The following COA1 variants were observed in gnomAD, a reference collection of about 807,000 sequenced individuals.
The protein encoded by COA1 is cytochrome c oxidase assembly factor 1 homolog.
In COA1, 13 loss-of-function variants were observed where a neutral mutation model predicts 16.0. That is an observed-to-expected ratio of 0.81 (90% CI 0.53 to 1.29). COA1 has a LOEUF of 1.29. Among genes scored for constraint, COA1 ranks in the 50% most tolerant of loss-of-function variants. The pLI is 0.00. For synonymous variants in COA1, 65 were observed against 65.7 expected (o/e 0.99, Z 0.05); for missense variants, 179 against 177.0 (o/e 1.01, Z -0.06).
At chr7:43,626,962 G>A (rs1261864314) in intron 6 of COA1, among the ~76,000 whole-genome samples, 1 of 152,118 alleles carries the variant, frequency 6.6e-6, no homozygotes, top group Non-Finnish European at 1.5e-5. Flanking sequence ...TAAAAACAGG[G>A]CATGAAGAGC....
chr7:43,697,833 G>A (rs966304073), intron 1 of COA1, among the ~76,000 whole-genome samples: 3 of 152,044 alleles, frequency 2.0e-5, no homozygotes, highest in East Asian at 1.9e-4. Context: ...ACTGCCCTAC[G>A]CAAGGGCTGT....
At chr7:43,683,670 C>T (rs1182711493) in intron 1 of COA1, among the ~76,000 whole-genome samples, 1 of 151,980 alleles carries the variant, frequency 6.6e-6, no homozygotes, top group Non-Finnish European at 1.5e-5. Flanking sequence ...GAATTTCTCT[C>T]AGTAAGTAGT....
At chr7:43,619,570 T>C (rs751328227) in intron 6 of COA1, 64 of 1,607,972 alleles carry the variant, frequency 4.0e-5, no homozygotes, top group Non-Finnish European at 5.3e-5. Context: ...GTTATATTGA[T>C]TTTTGCGGGG....
chr7:43,614,138 A>C (rs1372262779), intron 6 of COA1, among the ~76,000 whole-genome samples: 1 of 152,178 alleles, frequency 6.6e-6, no homozygotes, highest in Non-Finnish European at 1.5e-5. Flanking sequence ...GTTAACCTCA[A>C]CTTTACAATG....
At chr7:43,711,171 A>G in intron 1 of COA1, among the ~76,000 whole-genome samples, 1 of 152,120 alleles carries the variant, frequency 6.6e-6, no homozygotes, top group East Asian at 1.9e-4. Context: ...AAATGAGGGT[A>G]TTAAAGGCTC....
At chr7:43,660,464 G>A (rs2092310777) in intron 1 of COA1, among the ~76,000 whole-genome samples, 1 of 152,136 alleles carries the variant, frequency 6.6e-6, no homozygotes, top group South Asian at 2.1e-4. Flanking sequence ...TTACTCACAT[G>A]CAAGAAAGAG....
At chr7:43,623,472 T>C (rs2084133457) in intron 6 of COA1, 1 of 914,070 alleles carries the variant, frequency 1.1e-6, no homozygotes, top group Non-Finnish European at 1.7e-6. Flanking sequence ...AAACGTTGGA[T>C]AGTGCCTTAT....
intron 1 of COA1, among the ~76,000 whole-genome samples, chr7:43,715,646 C>G (rs1485039796): frequency 6.6e-6 from 1 of 152,118 alleles, no homozygotes; most frequent in Non-Finnish European, 1.5e-5. Context: ...AACACTATAT[C>G]TTTTTCTCTT....
intron 1 of COA1, among the ~76,000 whole-genome samples, chr7:43,655,030 G>A (rs1563270481): frequency 6.6e-6 from 1 of 151,744 alleles, no homozygotes; most frequent in Non-Finnish European, 1.5e-5. Context: ...GCAACTTATT[G>A]AAAAAAAATC....
chr7:43,718,465 A>G (rs1038274907), intron 1 of COA1, among the ~76,000 whole-genome samples: 9 of 152,240 alleles, frequency 5.9e-5, no homozygotes, highest in Admixed American at 2.0e-4. Context: ...TCTCATGAAA[A>G]TGATTCTGTT....
At chr7:43,611,542 T>C (rs372108569) in intron 6 of COA1, among the ~76,000 whole-genome samples, 6 of 152,248 alleles carry the variant, frequency 3.9e-5, no homozygotes, top group Non-Finnish European at 4.4e-5. Context: ...GGGGCATTGC[T>C]TTTCCCCTTC....
chr7:43,620,673 C>CAA (rs34416780), intron 6 of COA1, among the ~76,000 whole-genome samples: 2,546 of 131,206 alleles, frequency 0.019, 75 homozygotes, highest in African/African-American at 0.07. Context: ...GACTCCGTCT[C>CAA]AAAAAAAAAA....
chr7:43,663,459 C>T (rs182172185), intron 1 of COA1, among the ~76,000 whole-genome samples: 12 of 152,186 alleles, frequency 7.9e-5, no homozygotes, highest in Non-Finnish European at 1.3e-4. Flanking sequence ...TATACTAATT[C>T]TTGATATCTG....
chr7:43,617,486 G>A lies in COA1; in HGVS notation c.*134-7991C>T, dbSNP rs1309119781. ...GGTGACATGTTAGCTAAATGGAAGA[G>A]CGGGGAGGAAAGGAATGGCCAAGAT... On this transcript the variant is annotated intron_variant and NMD_transcript_variant, in intron 6 of 6. Transcript: ENST00000415076. Among the ~76,000 whole-genome samples the A allele has an allele frequency of 3.3e-5, 5 of 152,198 alleles. No homozygotes were observed. The East Asian group carries it at 9.6e-4, about 29-fold the overall frequency.
At position 43,622,393 on chromosome 7, in the gene COA1, A is replaced by G. The variant is rs957770196; in HGVS notation, c.*134-12898T>C. 9.8e-5 allele frequency: 15 copies of G among 152,312 alleles called. No homozygotes were observed. In the East Asian group the frequency reaches 2.9e-3, roughly 29 times the overall value. The allele number at this position is 152,312 out of a possible 1,614,324, so 9.4% of individuals were successfully genotyped here. On this transcript the variant is annotated intron_variant and NMD_transcript_variant, in intron 6 of 6. Transcript: ENST00000415076. ...TTTGTCACAAATGAGTAGTAGATAC[A>G]TGACCTTGAGTATTTCGTTTTTTCA...
chr7:43,725,989 A>G (rs2095609327), intron 1 of COA1, among the ~76,000 whole-genome samples: 1 of 148,858 alleles, frequency 6.7e-6, no homozygotes. Context: ...GCCCCAAACA[A>G]TACAGAACAC....
intron 6 of COA1, among the ~76,000 whole-genome samples, chr7:43,612,562 A>G (rs768877280): frequency 3.4e-4 from 51 of 152,214 alleles, no homozygotes; most frequent in Non-Finnish European, 5.9e-4. Flanking sequence ...CCCAATATGT[A>G]TGGTAATTTT....
intron 1 of COA1, among the ~76,000 whole-genome samples, chr7:43,720,627 A>C (rs2095488280): frequency 6.6e-6 from 1 of 152,192 alleles, no homozygotes; most frequent in South Asian, 2.1e-4. Flanking sequence ...GTGCAACGAG[A>C]GAGGTAAAGA....
intron 4 of COA1, among the ~76,000 whole-genome samples, chr7:43,644,794 A>G (rs1459989849): frequency 3.3e-4 from 38 of 116,178 alleles, no homozygotes; most frequent in African/African-American, 5.2e-4. Context: ...AGGCAGGCAG[A>G]GAGACAGAGA....
Sources: allele counts gnomAD v4.1 joint callset (sites outside exome capture counted in the v4.1 genomes callset), GRCh38; gene constraint gnomAD v4.1.1; transcripts MANE v1.5; gene names NCBI Gene and HGNC (gene_info 2026-07-23, HGNC 2026-07-21).